The following BASP1 variants were observed in gnomAD, a reference collection of about 807,000 sequenced individuals.
The protein encoded by BASP1 is brain acid soluble protein 1.
BASP1 carries 1 observed loss-of-function variant against 2.2 expected under a neutral mutation model. The ratio of observed to expected loss-of-function variants is 0.46; its 90% confidence interval spans 0.16 to 2.17. BASP1 has a LOEUF of 2.17. BASP1 is among the 30% of genes most tolerant of loss of function. The pLI, the probability that BASP1 is intolerant of heterozygous loss-of-function variation, is 0.27. For synonymous variants in BASP1, 187 were observed against 154.2 expected (o/e 1.21, Z -1.58); for missense variants, 352 against 327.2 (o/e 1.08, Z -0.58).
chr5:17,272,303 C>T (rs999177878), intron 1 of BASP1, among the ~76,000 whole-genome samples: 2 of 152,124 alleles, frequency 1.3e-5, no homozygotes, highest in South Asian at 4.2e-4. Flanking sequence ...GGGCTGAGAG[C>T]TTTGCCCCAT....
intron 1 of BASP1, among the ~76,000 whole-genome samples, chr5:17,242,445 C>T (rs1399865588): frequency 6.6e-6 from 1 of 151,964 alleles, no homozygotes; most frequent in East Asian, 1.9e-4. Context: ...TATCAACATC[C>T]CCCAGCAGAA....
chr5:17,271,824 C>G (rs190245536), intron 1 of BASP1, among the ~76,000 whole-genome samples: 3 of 151,934 alleles, frequency 2.0e-5, no homozygotes, highest in Admixed American at 6.6e-5. Flanking sequence ...CCCAGCATTT[C>G]GGGAGGCCGA....
intron 1 of BASP1, among the ~76,000 whole-genome samples, chr5:17,232,042 T>C (rs1739642369): frequency 6.6e-6 from 1 of 152,226 alleles, no homozygotes; most frequent in Non-Finnish European, 1.5e-5. Flanking sequence ...AATTATTCTG[T>C]TTCCAGGCAA....
chr5:17,249,366 G>C (rs1173990751), intron 1 of BASP1, among the ~76,000 whole-genome samples: 1 of 152,112 alleles, frequency 6.6e-6, no homozygotes. Flanking sequence ...TTATCTCCTT[G>C]GATTGCAACA....
chr5:17,263,986 C>T (rs926249733), intron 1 of BASP1, among the ~76,000 whole-genome samples: 5 of 152,078 alleles, frequency 3.3e-5, no homozygotes, highest in Admixed American at 6.5e-5. Flanking sequence ...AATCAGACAC[C>T]GACAACAATA....
intron 1 of BASP1, among the ~76,000 whole-genome samples, chr5:17,270,069 C>T (rs530728558): frequency 3.9e-5 from 6 of 152,222 alleles, no homozygotes; most frequent in South Asian, 2.1e-4. Context: ...TGTGCGATCT[C>T]GGCTCACCGC....
At chr5:17,263,147 C>T (rs1162063477) in intron 1 of BASP1, among the ~76,000 whole-genome samples, 1 of 151,216 alleles carries the variant, frequency 6.6e-6, no homozygotes, top group Non-Finnish European at 1.5e-5. Flanking sequence ...GCACCCAGCC[C>T]TAATCAAATC....
chr5:17,275,883 G>T lies in BASP1; in HGVS notation c.667G>T (p.Val223Leu), dbSNP rs765012665. Residue 223 changes from valine to leucine, a missense_variant, in exon 2 of 2, where the codon GTA (valine) becomes TTA (leucine). Physicochemically the swap from Val to Leu is conservative, Grantham distance 32. Coordinates refer to ENST00000322611, the MANE Select transcript of BASP1 (RefSeq NM_006317.5). This position sits in a 1 kb window ranked among gnomAD's most constrained non-coding sequence, Gnocchi z 5.3. The stretch of plus-strand genomic sequence containing the variant: ...CCCGGCAGCTAATTCCGACCAAACC[G>T]TAACCGTGAAAGAGTGACAAGGACA... The part of the protein sequence containing the change: ...EAPAANSDQT[V>L]TVKE The T allele has an allele frequency of 7.5e-6, 12 of 1,591,408 alleles. No homozygotes were observed. The highest frequency in any genetic ancestry group is 1.0e-5 in the Non-Finnish European group (12 of 1,170,886).
intron 1 of BASP1, among the ~76,000 whole-genome samples, chr5:17,218,173 G>C (rs1041663604): frequency 6.6e-6 from 1 of 151,706 alleles, no homozygotes; most frequent in Non-Finnish European, 1.5e-5. Context: ...GAGTCCCGGG[G>C]AGACGGTTCT....
rs1739758884 is a variant in BASP1 at position 17,236,961 on chromosome 5, G to A, written c.-10+19151G>A. 6.6e-6 allele frequency among the ~76,000 whole-genome samples: 1 copy of A among 152,224 alleles called. No homozygotes were observed. The highest frequency in any genetic ancestry group is 2.4e-5 in the African/African-American group (1 of 41,452). ...TTCCTCTGGAATTTTCAAAAGCTGA[G>A]ATTTTTCTGTATACTTTGAAAGCTA... On this transcript the variant is annotated intron_variant, in intron 1 of 1. Transcript: ENST00000322611. The surrounding 1 kb of genome is among the most constrained non-coding windows in gnomAD (Gnocchi z 4.0).
At chr5:17,273,398 T>TA (rs555510799) in intron 1 of BASP1, among the ~76,000 whole-genome samples, 8 of 150,574 alleles carry the variant, frequency 5.3e-5, no homozygotes, top group African/African-American at 1.2e-4. Context: ...CCCCCTTTTC[T>TA]AAAAAAAAAG....
intron 1 of BASP1, among the ~76,000 whole-genome samples, chr5:17,224,447 C>CT (rs1739452724): frequency 7.6e-6 from 1 of 132,190 alleles, no homozygotes; most frequent in Non-Finnish European, 1.5e-5. Context: ...AATATGGACT[C>CT]TTCAGGGGGG....
At chr5:17,255,636 G>A (rs1740195846) in intron 1 of BASP1, among the ~76,000 whole-genome samples, 1 of 152,140 alleles carries the variant, frequency 6.6e-6, no homozygotes, top group African/African-American at 2.4e-5. Flanking sequence ...AGGGTAGGAA[G>A]TTGTAGAGAT....
At chr5:17,242,105 A>C (rs1220563071) in intron 1 of BASP1, among the ~76,000 whole-genome samples, 1 of 152,240 alleles carries the variant, frequency 6.6e-6, no homozygotes, top group South Asian at 2.1e-4. Context: ...CTCTCCTTTC[A>C]TTCCCCTCCT....
rs1005322336 is a variant in BASP1 at position 17,275,122 on chromosome 5, C to A, written c.-9-86C>A. 2 of 1,321,078 alleles carry A rather than the reference C, an allele frequency of 1.5e-6. No individual in the cohort carries two copies. Among genetic ancestry groups the A allele is most frequent in the African/African-American group, 2.9e-5 (2 of 68,266 alleles). 81.8% of individuals were successfully genotyped at this position (1,321,078 alleles called of 1,614,324 possible). ...GGTGTGCAGTGCAGCAGGCCCAGAA[C>A]CCCTTGCTTTGCAAAATGCAGCTTT... On this transcript the variant is annotated intron_variant, in intron 1 of 1. Transcript: ENST00000322611. This position sits in a 1 kb window ranked among gnomAD's most constrained non-coding sequence, Gnocchi z 5.3.
At chr5:17,232,374 A>G (rs548236413) in intron 1 of BASP1, among the ~76,000 whole-genome samples, 1 of 152,348 alleles carries the variant, frequency 6.6e-6, no homozygotes, top group East Asian at 1.9e-4. Context: ...TGCGAACATC[A>G]GGTCCCTAGA....
At chr5:17,253,760 C>G (rs531633667) in intron 1 of BASP1, among the ~76,000 whole-genome samples, 1 of 151,988 alleles carries the variant, frequency 6.6e-6, no homozygotes, top group Non-Finnish European at 1.5e-5. Context: ...GTGTGCATCC[C>G]GATACCTGGG....
rs529518000 is a variant in BASP1, at chr5:17,267,478, T to G, written c.-9-7730T>G. On this transcript the variant is annotated intron_variant, in intron 1 of 1. Transcript: ENST00000322611. ...AAAACATTCTGTGCTTTAATAAATA[T>G]TTGGATGTCATTTTACAATTTTTGT... Among the ~76,000 whole-genome samples the G allele has an allele frequency of 2.6e-5, 4 of 152,272 alleles. No individual in the cohort carries two copies. The East Asian group carries it at 5.8e-4, about 22-fold the overall frequency.
At chr5:17,244,922 G>T (rs1024458619) in intron 1 of BASP1, among the ~76,000 whole-genome samples, 1 of 150,752 alleles carries the variant, frequency 6.6e-6, no homozygotes, top group Non-Finnish European at 1.5e-5. Context: ...TGATCCACCC[G>T]CCTCGGCCTC....
Sources: allele counts gnomAD v4.1 joint callset (sites outside exome capture counted in the v4.1 genomes callset), GRCh38; gene constraint gnomAD v4.1.1; non-coding constraint Gnocchi (gnomAD v3.1); transcripts MANE v1.5; gene names NCBI Gene and HGNC (gene_info 2026-07-23, HGNC 2026-07-21).